Variants in CRHR2 observed in about 807,000 individuals in gnomAD.
CRHR2 encodes the protein corticotropin releasing hormone receptor 2, also known as corticotropin-releasing hormone receptor 2.
Under a neutral mutation model 57.9 loss-of-function variants are expected in CRHR2, and 53 were observed. The observed-to-expected ratio is 0.92, with a 90% CI of 0.73 to 1.15. The LOEUF (loss-of-function observed/expected upper bound fraction) is 1.15. Ranked by LOEUF, CRHR2 falls within the 50% of genes most tolerant of loss-of-function variation. The pLI, the probability that CRHR2 is intolerant of heterozygous loss-of-function variation, is 0.00. For missense variants in CRHR2, 532 were observed against 542.6 expected (o/e 0.98, Z 0.19); for synonymous variants, 213 against 220.9 (o/e 0.96, Z 0.32).
intron 1 of CRHR2, among the ~76,000 whole-genome samples, chr7:30,699,317 T>C (rs1785120510): frequency 6.6e-6 from 1 of 152,140 alleles, no homozygotes; most frequent in African/African-American, 2.4e-5. Context: ...GATGAAGCTC[T>C]GAGTCTTGAG....
chr7:30,699,963 A>G (rs115417253), exon 1 of CRHR2: 2 of 1,497,754 alleles, frequency 1.3e-6, no homozygotes, highest in African/African-American at 1.4e-5. Flanking sequence ...CGGCGGTGGG[A>G]GGAGGCAGAG....
chr7:30,661,552 C>T (rs1399000191), intron 7 of CRHR2, among the ~76,000 whole-genome samples: 1 of 152,194 alleles, frequency 6.6e-6, no homozygotes, highest in African/African-American at 2.4e-5. Context: ...CTGAGACAGA[C>T]CCCTTGGAGA....
upstream of CRHR2, chr7:30,682,486 T>C (rs905836801): frequency 2.3e-6 from 3 of 1,317,704 alleles, no homozygotes; most frequent in Non-Finnish European, 1.9e-6. Flanking sequence ...AGCCGCCGAG[T>C]GCACGGAGCT....
chr7:30,681,902 CGGG>C lies in CRHR2; in HGVS notation c.229+10_229+12del, dbSNP rs1784720666. 2 of 1,605,964 alleles carry C rather than the reference CGGG, an allele frequency of 1.2e-6. No individual in the cohort carries two copies. The highest frequency in any genetic ancestry group is 2.7e-5 in the African/African-American group (2 of 74,124). On this transcript the variant is annotated intron_variant, in intron 2 of 11. Transcript: ENST00000471646. ...CCGGTGTAGAGCAGGCAGCGAGGGC[CGGG>C]GGCACTCACGGGTCGTGTTGTACTT...
chr7:30,670,197 A>C (rs373013474), intron 2 of CRHR2, among the ~76,000 whole-genome samples: 1 of 152,130 alleles, frequency 6.6e-6, no homozygotes, highest in African/African-American at 2.4e-5. Flanking sequence ...AATGTCTTCT[A>C]TTCATTTCAC....
At chr7:30,689,350 C>A (rs1410759991) in intron 1 of CRHR2, 2 of 1,303,160 alleles carry the variant, frequency 1.5e-6, no homozygotes, top group Non-Finnish European at 2.2e-6. Context: ...TGCCTGTCTG[C>A]CCCCATCCTA....
At chr7:30,654,001 A>G (rs1157181375) in intron 11 of CRHR2, among the ~76,000 whole-genome samples, 4 of 151,900 alleles carry the variant, frequency 2.6e-5, no homozygotes, top group Non-Finnish European at 5.9e-5. Flanking sequence ...CCCAGCTCAC[A>G]CACCTGGTGC....
rs769119663 is a variant in CRHR2 at position 30,662,802 on chromosome 7, T to C, written c.589A>G (p.Thr197Ala). Residue 197 changes from threonine to alanine, a missense_variant, in exon 6 of 12, where the codon ACC becomes GCC. By Grantham distance (58) the Thr-to-Ala change is moderately conservative (BLOSUM62 0). Coordinates refer to ENST00000471646, the MANE Select transcript of CRHR2 (RefSeq NM_001883.5). ...TCCACAAACATCCAGAAGAAGTTGG[T>C]CACCACGAAGTAGTTGAAGATGGTG... Reference protein sequence around the residue: ...ITTIFNYFVVTNFFWMFVEGC... With the variant: ...ITTIFNYFVVANFFWMFVEGC... 42 of 1,614,070 alleles carry C rather than the reference T, an allele frequency of 2.6e-5. No individual in the cohort carries two copies. Among genetic ancestry groups the C allele is most frequent in the Non-Finnish European group, 3.2e-5 (38 of 1,180,044 alleles).
chr7:30,662,701 G>C lies in CRHR2; in HGVS notation c.690C>G (p.Ile230Met), dbSNP rs1410222378. Residue 230 changes from isoleucine (I) to methionine (M), a missense_variant, in exon 6 of 12, where the codon ATC (isoleucine) becomes ATG (methionine). Coordinates refer to ENST00000471646, the MANE Select transcript of CRHR2 (RefSeq NM_001883.5). ...TGCCCCTGGGACCCTCACACCATCC[G>C]ATGAAGAGGAAGAGGCACTTGCGCA... The part of the protein sequence containing the change: ...ERLRKCLFLF[I>M]GWCIPFPIIV... 1 of 1,613,784 alleles carries C rather than the reference G, an allele frequency of 6.2e-7. No homozygotes were observed. The highest frequency in any genetic ancestry group is 8.5e-7 in the Non-Finnish European group (1 of 1,179,758).
At chr7:30,673,607 CCA>C (rs1306875686) in intron 2 of CRHR2, among the ~76,000 whole-genome samples, 1 of 152,294 alleles carries the variant, frequency 6.6e-6, no homozygotes. Context: ...CTTTTCATCC[CCA>C]GTTAAGAGAC....
In CRHR2 at chr7:30,665,600, C is replaced by T. The variant is rs760927050; in HGVS notation, c.355G>A (p.Val119Ile). 7.0e-6 allele frequency: 11 copies of T among 1,562,220 alleles called. No homozygotes were observed. Among genetic ancestry groups the T allele is most frequent in the Admixed American group, 3.8e-5 (2 of 53,040 alleles). The change falls in exon 4 of 12, where the codon GTC becomes ATC. Residue 119 changes from valine to isoleucine, a missense_variant. Physicochemically the swap from Val to Ile is conservative, Grantham distance 29. Coordinates refer to ENST00000471646, the MANE Select transcript of CRHR2 (RefSeq NM_001883.5). This position sits in a 1 kb window ranked among gnomAD's most constrained non-coding sequence, Gnocchi z 4.5. ...YDLHYRIALVVNYLGHCVSVA... is the reference protein window; with the variant it reads ...YDLHYRIALVINYLGHCVSVA... ...GATACGCAGTGGCCCAGGTAGTTGA[C>T]GACAAGGGCGATGCGGTAGTGCAGG...
chr7:30,692,564 G>A (rs1047329880), intron 1 of CRHR2, among the ~76,000 whole-genome samples: 1 of 152,206 alleles, frequency 6.6e-6, no homozygotes, highest in Non-Finnish European at 1.5e-5. Context: ...AGTGACCCAG[G>A]TAGAAGCTGA....
chr7:30,689,147 A>C, intron 2 of CRHR2: 1 of 1,514,924 alleles, frequency 6.6e-7, no homozygotes, highest in South Asian at 1.2e-5. Flanking sequence ...GGGCCCACCC[A>C]CATCTCCAGG....
Position 30,656,251 on chromosome 7 carries a change from G to A in CRHR2, c.832-239C>T, listed in dbSNP as rs1783785217. On this transcript the variant is annotated intron_variant, in intron 8 of 11. Coordinates refer to ENST00000471646, the MANE Select transcript of CRHR2 (RefSeq NM_001883.5). The surrounding 1 kb of genome is among the most constrained non-coding windows in gnomAD (Gnocchi z 4.4). ...CTCCAGCCCAGGACTGAGGAGGAAA[G>A]GTGGCAGCCTCTGTGGGTCGTGACC... Among the ~76,000 whole-genome samples the A allele has an allele frequency of 6.6e-6, 1 of 152,260 alleles. No homozygotes were observed. The highest frequency in any genetic ancestry group is 2.1e-4 in the South Asian group (1 of 4,818).
intron 10 of CRHR2, 95 bp from the exon 11 acceptor site, chr7:30,655,175 G>GA: frequency 7.8e-7 from 1 of 1,282,598 alleles, no homozygotes; most frequent in South Asian, 1.3e-5. Flanking sequence ...GTGGGGGGGG[G>GA]ACAATTTGAC....
In CRHR2 at chr7:30,665,037, C is replaced by T; in HGVS notation, c.543+33G>A. 1 of 1,582,580 alleles carries T rather than the reference C, an allele frequency of 6.3e-7. No individual in the cohort carries two copies. The highest frequency in any genetic ancestry group is 8.7e-7 in the Non-Finnish European group (1 of 1,151,432). ...GGTGCCCCCGGAGCCCAGAGCCCCCCAGGTATAGCCCCGAGTCTCCCCGAG... is the reference window on the plus strand; with the variant it reads ...GGTGCCCCCGGAGCCCAGAGCCCCCTAGGTATAGCCCCGAGTCTCCCCGAG... On this transcript the variant is annotated intron_variant, in intron 5 of 11. Coordinates refer to ENST00000471646, the MANE Select transcript of CRHR2 (RefSeq NM_001883.5). This position sits in a 1 kb window ranked among gnomAD's most constrained non-coding sequence, Gnocchi z 4.5.
chr7:30,670,083 C>A (rs1384706530), intron 2 of CRHR2, among the ~76,000 whole-genome samples: 2 of 152,024 alleles, frequency 1.3e-5, no homozygotes, highest in Non-Finnish European at 2.9e-5. Context: ...CACTTTATTG[C>A]CCTTGAACCA....
At chr7:30,672,683 C>T (rs1313752402) in intron 2 of CRHR2, among the ~76,000 whole-genome samples, 1 of 152,344 alleles carries the variant, frequency 6.6e-6, no homozygotes, top group Admixed American at 6.5e-5. Flanking sequence ...CATTGCAGTC[C>T]AACCCCACAT....
chr7:30,682,554 C>T, upstream of CRHR2: 1 of 1,217,854 alleles, frequency 8.2e-7, no homozygotes, highest in Admixed American at 4.7e-5. Context: ...GGCCGGGCGG[C>T]TCCTCTCGGA....
Sources: gnomAD v4.1 joint callset for allele counts (sites outside exome capture counted in the v4.1 genomes callset) on GRCh38, gnomAD v4.1.1 for gene constraint, Gnocchi (gnomAD v3.1) non-coding constraint, MANE v1.5 for transcripts, NCBI Gene and HGNC (gene_info 2026-07-23, HGNC 2026-07-21) for gene names.